The following AKAP19 variants were observed in gnomAD, a reference collection of about 807,000 sequenced individuals.
AKAP19 encodes small A-kinase anchoring protein.
chr2:190,082,576 T>G, the AKAP19 span, among the ~76,000 whole-genome samples: 1 of 152,254 alleles, frequency 6.6e-6, no homozygotes, highest in Non-Finnish European at 1.5e-5. Flanking sequence ...ATAAGGAATA[T>G]TCTATGACTG....
the AKAP19 span, among the ~76,000 whole-genome samples, chr2:189,922,939 C>T: frequency 6.6e-6 from 1 of 152,144 alleles, no homozygotes; most frequent in Middle Eastern, 3.4e-3. Flanking sequence ...TGCCTGAGCT[C>T]AGGAGTTCAA....
chr2:189,922,895 G>T, the AKAP19 span, among the ~76,000 whole-genome samples: 1 of 152,068 alleles, frequency 6.6e-6, no homozygotes, highest in Non-Finnish European at 1.5e-5. Context: ...CATGCCTGTA[G>T]TCTTAGCACT....
At chr2:190,050,414 T>G in the AKAP19 span, among the ~76,000 whole-genome samples, 18 of 152,324 alleles carry the variant, frequency 1.2e-4, no homozygotes, top group Middle Eastern at 3.4e-3. Flanking sequence ...AGTTTAATGT[T>G]AAAAATTGGA....
At chr2:190,057,548 G>A in the AKAP19 span, 2 of 1,613,446 alleles carry the variant, frequency 1.2e-6, no homozygotes, top group Non-Finnish European at 1.7e-6. Flanking sequence ...CGACAGCATC[G>A]TGATTCTGTT....
the AKAP19 span, among the ~76,000 whole-genome samples, chr2:189,990,121 A>G: frequency 6.6e-6 from 1 of 152,328 alleles, no homozygotes; most frequent in South Asian, 2.1e-4. Context: ...TTGCTTTAAC[A>G]TCTTTGTTGC....
chr2:190,023,477 T>G, the AKAP19 span, among the ~76,000 whole-genome samples: 1 of 152,114 alleles, frequency 6.6e-6, no homozygotes, highest in Admixed American at 6.5e-5. Context: ...TCTGAAGCTT[T>G]GACAAATTTT....
chr2:189,899,376 TA>T, the AKAP19 span, among the ~76,000 whole-genome samples: 6 of 152,328 alleles, frequency 3.9e-5, no homozygotes, highest in South Asian at 1.2e-3. Context: ...TGTTTTGTAT[TA>T]CCTTTATGTG....
At chr2:190,028,702 A>T in the AKAP19 span, among the ~76,000 whole-genome samples, 1 of 152,244 alleles carries the variant, frequency 6.6e-6, no homozygotes, top group Non-Finnish European at 1.5e-5. Flanking sequence ...AAAGTACATT[A>T]TTATGTAAAT....
the AKAP19 span, among the ~76,000 whole-genome samples, chr2:190,146,202 C>T: frequency 2.0e-3 from 307 of 152,208 alleles, 3 homozygotes; most frequent in African/African-American, 6.9e-3. Flanking sequence ...CATTCTTATG[C>T]CTTTGCATCC....
the AKAP19 span, among the ~76,000 whole-genome samples, chr2:189,928,768 CTG>C: frequency 1.3e-5 from 2 of 152,070 alleles, no homozygotes; most frequent in Non-Finnish European, 2.9e-5. Flanking sequence ...CTTCATGACA[CTG>C]TGTTTTGCAT....
chr2:190,109,885 T>C, the AKAP19 span, among the ~76,000 whole-genome samples: 1 of 152,224 alleles, frequency 6.6e-6, no homozygotes, highest in Non-Finnish European at 1.5e-5. Flanking sequence ...TACTATTAGG[T>C]GCCACAATTG....
At chr2:189,932,139 A>C in the AKAP19 span, among the ~76,000 whole-genome samples, 1 of 152,202 alleles carries the variant, frequency 6.6e-6, no homozygotes, top group Non-Finnish European at 1.5e-5. Flanking sequence ...AACAAGACCA[A>C]AAAGGGATAA....
At chr2:190,186,740 C>T in the AKAP19 span, among the ~76,000 whole-genome samples, 3 of 152,246 alleles carry the variant, frequency 2.0e-5, no homozygotes, top group South Asian at 2.1e-4. The surrounding 1 kb of genome is among the most constrained non-coding windows in gnomAD (Gnocchi z 5.5). Context: ...CCAGTTTTCA[C>T]GGAGCCCTAC....
chr2:190,141,506 C>T, the AKAP19 span, among the ~76,000 whole-genome samples: 1 of 152,144 alleles, frequency 6.6e-6, no homozygotes, highest in Non-Finnish European at 1.5e-5. Flanking sequence ...CAAACACATC[C>T]TTCTTCATAT....
the AKAP19 span, among the ~76,000 whole-genome samples, chr2:190,036,452 T>C: frequency 1.3e-5 from 2 of 152,360 alleles, no homozygotes; most frequent in South Asian, 4.1e-4. Flanking sequence ...GCACCTTCTA[T>C]GTAGAGTTAA....
the AKAP19 span, among the ~76,000 whole-genome samples, chr2:189,941,701 A>T: frequency 6.6e-6 from 1 of 152,234 alleles, no homozygotes; most frequent in Non-Finnish European, 1.5e-5. Flanking sequence ...AATGAATTAA[A>T]CATACTAACA....
the AKAP19 span, chr2:190,200,321 T>A: frequency 1.6e-6 from 1 of 614,068 alleles, no homozygotes; most frequent in Non-Finnish European, 2.9e-6. Flanking sequence ...TACTTCTATG[T>A]TAACAGCAAT....
chr2:189,983,366 C>T, the AKAP19 span, among the ~76,000 whole-genome samples: 1 of 152,094 alleles, frequency 6.6e-6, no homozygotes, highest in Non-Finnish European at 1.5e-5. Context: ...AGGATGCTGC[C>T]ATTCTATGTA....
chr2:189,923,985 A>G, the AKAP19 span: 10 of 1,601,878 alleles, frequency 6.2e-6, no homozygotes, highest in East Asian at 2.2e-5. Flanking sequence ...GAGATGAACA[A>G]TGTTAAGTCA....
Sources: gnomAD v4.1 joint callset for allele counts (sites outside exome capture counted in the v4.1 genomes callset) on GRCh38, gnomAD v4.1.1 for gene constraint, Gnocchi (gnomAD v3.1) non-coding constraint, MANE v1.5 for transcripts, NCBI Gene and HGNC (gene_info 2026-07-23, HGNC 2026-07-21) for gene names.